CFAP43: variants seen among roughly 807,000 people sequenced by gnomAD.
CFAP43 encodes the protein cilia- and flagella-associated protein 43.
CFAP43 carries 155 observed loss-of-function variants against 218.9 expected under a neutral mutation model. The ratio of observed to expected loss-of-function variants is 0.71; its 90% CI spans 0.62 to 0.81. CFAP43 has a LOEUF of 0.81. CFAP43 is among the 30% of genes least tolerant of loss of function. The probability of loss-of-function intolerance (pLI) is 0.00; values close to 1 mark genes in which losing one functional copy is unlikely to be tolerated. For synonymous variants in CFAP43, 645 were observed against 681.3 expected (o/e 0.95, Z 0.83); for missense variants, 1,778 against 1,954.3 (o/e 0.91, Z 1.70).
intron 10 of CFAP43, among the ~76,000 whole-genome samples, chr10:104,195,828 A>G (rs546079712): frequency 4.6e-5 from 7 of 152,322 alleles, no homozygotes; most frequent in African/African-American, 1.7e-4. Flanking sequence ...GCAACTCAGC[A>G]TCCATACGCC....
At chr10:104,149,336 T>C (rs2088136576) in intron 28 of CFAP43, among the ~76,000 whole-genome samples, 1 of 152,192 alleles carries the variant, frequency 6.6e-6, no homozygotes, top group Non-Finnish European at 1.5e-5. Context: ...CGTTGAGAGA[T>C]GCAAAATGGT....
chr10:104,137,663 A>T (rs2087515082), intron 34 of CFAP43, among the ~76,000 whole-genome samples: 1 of 152,136 alleles, frequency 6.6e-6, no homozygotes, highest in Non-Finnish European at 1.5e-5. Context: ...TATAAAAATT[A>T]GCCAGGTGTG....
rs952752602 is a variant in CFAP43 at position 104,214,086 on chromosome 10, C to T, written c.584+173G>A. Among the ~76,000 whole-genome samples, 6 of 152,282 alleles carry T rather than the reference C, an allele frequency of 3.9e-5. No individual in the cohort carries two copies. The East Asian group carries it at 1.2e-3, about 29-fold the overall frequency. On this transcript the variant is annotated intron_variant, in intron 4 of 37. Coordinates refer to ENST00000357060, the MANE Select transcript of CFAP43 (RefSeq NM_025145.7). ...ATGCAAACAACCACTCCAAGGTAAT[C>T]ACGCATGTAGAAAGATGTTATAACA...
At chr10:104,196,962 C>T (rs756245039) in intron 9 of CFAP43, 29 bp from the exon 10 acceptor site, 2 of 1,576,368 alleles carry the variant, frequency 1.3e-6, no homozygotes, top group Non-Finnish European at 1.7e-6. Flanking sequence ...AAAAACTCTA[C>T]ATGGAAAATA....
chr10:104,226,259 T>C (rs2091302785), intron 2 of CFAP43, among the ~76,000 whole-genome samples: 1 of 152,236 alleles, frequency 6.6e-6, no homozygotes, highest in Admixed American at 6.5e-5. Context: ...TATGTTTGTG[T>C]CTCTATTGCT....
chr10:104,211,969 A>G, intron 5 of CFAP43, 38 bp downstream of exon 5: 1 of 1,600,236 alleles, frequency 6.2e-7, no homozygotes, highest in Non-Finnish European at 8.5e-7. Flanking sequence ...CTAGACCTCA[A>G]CCCATTAGGC....
chr10:104,224,623 C>T (rs1434187950), intron 3 of CFAP43, among the ~76,000 whole-genome samples: 6 of 151,342 alleles, frequency 4.0e-5, no homozygotes, highest in African/African-American at 7.3e-5. Flanking sequence ...GTCATGATGG[C>T]GGGTACATGT....
intron 12 of CFAP43, among the ~76,000 whole-genome samples, chr10:104,190,604 A>G (rs2090180096): frequency 6.6e-6 from 1 of 152,236 alleles, no homozygotes; most frequent in Admixed American, 6.5e-5. Flanking sequence ...ATTGGCTTTA[A>G]ACCTATGGAA....
chr10:104,146,212 G>A, intron 30 of CFAP43, 51 bp downstream of exon 30: 2 of 1,445,112 alleles, frequency 1.4e-6, no homozygotes, highest in South Asian at 2.3e-5. Context: ...CTCCAATCCA[G>A]GCAGCAACAA....
At position 104,172,526 on chromosome 10, in the gene CFAP43, T is replaced by C. The variant is rs2089453875; in HGVS notation, c.2470A>G (p.Met824Val). The C allele has an allele frequency of 6.3e-7, 1 of 1,599,256 alleles. No individual in the cohort carries two copies. The highest frequency in any genetic ancestry group is 8.5e-7 in the Non-Finnish European group (1 of 1,175,234). ...IKSLSKTILN[M>V]MEENDKLENI... ...TCTAGTTTGTCATTTTCTTCCATCATATTCAGAATCTGAATGTTGAAATAA... is the reference window on the plus strand; with the variant it reads ...TCTAGTTTGTCATTTTCTTCCATCACATTCAGAATCTGAATGTTGAAATAA... Residue 824 changes from methionine (M) to valine (V), a missense_variant, in exon 20 of 38, where the codon ATG becomes GTG. Physicochemically the swap from Met to Val is conservative, Grantham distance 21 (BLOSUM62 1). Around this residue, in one of 3 missense-constraint regions of CFAP43, gnomAD observed 1,553 missense variants for 1,685.2 expected, o/e 0.92. Coordinates refer to ENST00000357060, the MANE Select transcript of CFAP43 (RefSeq NM_025145.7).
chr10:104,134,524 G>T (rs2087347119), intron 34 of CFAP43, among the ~76,000 whole-genome samples: 1 of 151,916 alleles, frequency 6.6e-6, no homozygotes, highest in African/African-American at 2.4e-5. Flanking sequence ...GGCTCAAATT[G>T]CTAAAATAAG....
At chr10:104,218,295 C>A (rs2091075429) in intron 3 of CFAP43, among the ~76,000 whole-genome samples, 1 of 147,294 alleles carries the variant, frequency 6.8e-6, no homozygotes, top group Non-Finnish European at 1.5e-5. Flanking sequence ...TTGCAGTGAG[C>A]CGAGATCGCA....
In CFAP43 at chr10:104,143,488, C is replaced by T; in HGVS notation, c.4096G>A (p.Asp1366Asn). Reference protein sequence around the residue: ...DNISNMPEGLDPLVWNHFCMT... With the variant: ...DNISNMPEGLNPLVWNHFCMT... The stretch of plus-strand genomic sequence containing the variant: ...CAGAAATGATTCCAGACCAAAGGGT[C>T]CAAGCCTTCTGGCATGTTACTAATA... Residue 1366 changes from aspartate (D) to asparagine (N), a missense_variant, in exon 32 of 38, where the codon GAC (aspartate) becomes AAC (asparagine). Physicochemically the swap from Asp to Asn is conservative, Grantham distance 23 (BLOSUM62 1). Coordinates refer to ENST00000357060, the MANE Select transcript of CFAP43 (RefSeq NM_025145.7). The T allele has an allele frequency of 6.2e-7, 1 of 1,614,162 alleles. No individual in the cohort carries two copies.
intron 2 of CFAP43, among the ~76,000 whole-genome samples, chr10:104,228,092 T>C (rs1216018357): frequency 2.0e-5 from 3 of 152,190 alleles, no homozygotes; most frequent in Admixed American, 2.0e-4. Context: ...TCCACCTGCC[T>C]TGGCCTCCCA....
chr10:104,157,795 A>T (rs1050984158), intron 27 of CFAP43, among the ~76,000 whole-genome samples: 4 of 149,686 alleles, frequency 2.7e-5, no homozygotes, highest in Non-Finnish European at 5.9e-5. Flanking sequence ...AGAGAGAGAG[A>T]GAGAGAGAGA....
intron 37 of CFAP43, among the ~76,000 whole-genome samples, 182 bp downstream of exon 37, chr10:104,131,149 A>G (rs2087171853): frequency 6.6e-6 from 1 of 152,158 alleles, no homozygotes; most frequent in African/African-American, 2.4e-5. Context: ...AGCATCACAC[A>G]ATATACCTAA....
chr10:104,213,958 A>G (rs1011618704), intron 4 of CFAP43, among the ~76,000 whole-genome samples: 8 of 152,232 alleles, frequency 5.3e-5, no homozygotes, highest in African/African-American at 1.7e-4. Flanking sequence ...TAGTAAGGAC[A>G]AATAAAATTT....
Position 104,196,868 on chromosome 10 carries a change from A to C in CFAP43, c.1278T>G (p.Ile426Met), listed in dbSNP as rs1389247896. ...GTATACTTACTAGGGTATTCAGATAAATCTTGCTTACACAAGCACAATCCT... is the reference window on the plus strand; with the variant it reads ...GTATACTTACTAGGGTATTCAGATACATCTTGCTTACACAAGCACAATCCT... ...WLEDCACVSKIYLNTLATVLA... is the reference protein window; with the variant it reads ...WLEDCACVSKMYLNTLATVLA... Residue 426 changes from isoleucine to methionine, a missense_variant, in exon 10 of 38, where the codon ATT becomes ATG. By Grantham distance (10) the Ile-to-Met change is conservative. Coordinates refer to ENST00000357060, the MANE Select transcript of CFAP43 (RefSeq NM_025145.7). The C allele has an allele frequency of 3.1e-6, 5 of 1,612,134 alleles. No individual in the cohort carries two copies. The Admixed American group carries it at 5.0e-5, about 16-fold the overall frequency.
At chr10:104,169,291 T>C (rs1240536306) in intron 20 of CFAP43, among the ~76,000 whole-genome samples, 1 of 152,198 alleles carries the variant, frequency 6.6e-6, no homozygotes, top group Non-Finnish European at 1.5e-5. Context: ...CTGCCAGATA[T>C]CTAAATGTTG....
Sources: gnomAD v4.1 joint callset for allele counts (sites outside exome capture counted in the v4.1 genomes callset) on GRCh38, gnomAD v4.1.1 for gene constraint, gnomAD v4.1.1 regional missense constraint, MANE v1.5 for transcripts, NCBI Gene and HGNC (gene_info 2026-07-23, HGNC 2026-07-21) for gene names.